Variants in RTL9 observed in about 807,000 individuals in gnomAD.
RTL9 encodes the protein retrotransposon Gag-like protein 9.
RTL9 carries 19 observed loss-of-function variants against 44.7 expected under a neutral mutation model. That is an observed-to-expected ratio of 0.42 (90% CI 0.30 to 0.62). RTL9 has a LOEUF of 0.62. Among genes scored for constraint, RTL9 ranks in the 20% least tolerant of loss-of-function variants. The pLI is 0.16. For missense variants in RTL9, 1,105 were observed against 1,080.6 expected (o/e 1.02, Z -0.32); for synonymous variants, 407 against 398.9 (o/e 1.02, Z -0.24).
intron 1 of RTL9, among the ~76,000 whole-genome samples, chrX:110,392,641 C>T (rs1202343689): frequency 1.8e-5 from 2 of 111,112 alleles, no homozygotes; most frequent in Non-Finnish European, 1.9e-5. Context: ...CAAGGGCTCA[C>T]GCAAGAGTGC....
chrX:110,454,508 A>G, exon 1 of RTL9: 2 of 1,211,896 alleles, frequency 1.7e-6, no homozygotes, highest in Non-Finnish European at 2.2e-6. Flanking sequence ...CTGGCAGCCT[A>G]AAGGAGCTGA....
intron 1 of RTL9, among the ~76,000 whole-genome samples, chrX:110,403,500 C>T (rs2068578609): frequency 9.0e-6 from 1 of 110,918 alleles, no homozygotes; most frequent in South Asian, 3.9e-4. Flanking sequence ...ATGCCCGGAT[C>T]CTTCTCCAAA....
rs1359914768 is a variant in RTL9, at chrX:110,385,122, G to A, written c.-168+26206G>A. Among the ~76,000 whole-genome samples the A allele has an allele frequency of 1.8e-5, 2 of 111,000 alleles. 1 individual carries two copies. The highest frequency in any genetic ancestry group is 3.8e-5 in the Non-Finnish European group (2 of 52,943). On this transcript the variant is annotated intron_variant, in intron 1 of 2. Transcript: ENST00000520821. ...CCAGATGGCCTGAATTTGAATCCCA[G>A]CTCCACCACCAACTAGCTGTGAGAC...
chrX:110,441,325 A>C (rs1344921965), intron 1 of RTL9, among the ~76,000 whole-genome samples: 2 of 112,081 alleles, frequency 1.8e-5, no homozygotes, highest in African/African-American at 6.5e-5. Flanking sequence ...AAGGTCCCTG[A>C]TTGGTAGCCA....
intron 1 of RTL9, among the ~76,000 whole-genome samples, chrX:110,394,189 A>C (rs1165770771): frequency 8.9e-6 from 1 of 112,799 alleles, no homozygotes; most frequent in Non-Finnish European, 1.9e-5. Flanking sequence ...ACTTATTGTT[A>C]ATGTTTAATT....
At chrX:110,392,574 T>C (rs2068502345) in intron 1 of RTL9, among the ~76,000 whole-genome samples, 1 of 112,316 alleles carries the variant, frequency 8.9e-6, no homozygotes, top group South Asian at 3.7e-4. Context: ...TGAGCCACTG[T>C]GCCCAGCCTT....
At chrX:110,392,052 C>T (rs900399214) in intron 1 of RTL9, among the ~76,000 whole-genome samples, 3 of 112,048 alleles carry the variant, frequency 2.7e-5, no homozygotes, top group African/African-American at 9.7e-5. Context: ...TTTACATTCT[C>T]ATGAATCACG....
At chrX:110,380,181 G>A (rs2068408845) in intron 1 of RTL9, among the ~76,000 whole-genome samples, 1 of 111,589 alleles carries the variant, frequency 9.0e-6, no homozygotes, top group Non-Finnish European at 1.9e-5. Context: ...GCTACACATA[G>A]GACAGTAGTA....
intron 1 of RTL9, among the ~76,000 whole-genome samples, chrX:110,394,122 G>A (rs1339383775): frequency 8.9e-6 from 1 of 112,551 alleles, no homozygotes; most frequent in East Asian, 2.8e-4. Flanking sequence ...CAAAAATTAG[G>A]CAAATAATTC....
intron 1 of RTL9, among the ~76,000 whole-genome samples, chrX:110,420,849 A>G (rs370037581): frequency 5.4e-5 from 6 of 111,100 alleles, no homozygotes; most frequent in East Asian, 5.6e-4. Context: ...TTGGCTCGGG[A>G]GGCAGGTTTC....
At chrX:110,442,243 C>G (rs1603016206) in intron 1 of RTL9, among the ~76,000 whole-genome samples, 1 of 103,822 alleles carries the variant, frequency 9.6e-6, no homozygotes, top group African/African-American at 3.7e-5. Flanking sequence ...CTCTCTCTCT[C>G]TCTCTGTGTG....
At chrX:110,420,703 G>A (rs2068711162) in intron 1 of RTL9, among the ~76,000 whole-genome samples, 1 of 112,135 alleles carries the variant, frequency 8.9e-6, no homozygotes, top group Non-Finnish European at 1.9e-5. Context: ...CCACAAACCG[G>A]CTGGTTTTTT....
chrX:110,425,528 G>A (rs2068747002), intron 1 of RTL9, among the ~76,000 whole-genome samples: 1 of 112,978 alleles, frequency 8.9e-6, no homozygotes, highest in African/African-American at 3.2e-5. Flanking sequence ...TTTCTTAAGA[G>A]GTTCTGTGCT....
intron 1 of RTL9, among the ~76,000 whole-genome samples, chrX:110,443,711 G>A (rs895746298): frequency 1.8e-5 from 2 of 112,419 alleles, no homozygotes; most frequent in Non-Finnish European, 3.8e-5. Context: ...ACTTCAGGGT[G>A]GGTGCAAAGC....
At chrX:110,422,534 A>T (rs1484476243) in intron 1 of RTL9, among the ~76,000 whole-genome samples, 1 of 112,968 alleles carries the variant, frequency 8.9e-6, no homozygotes, top group East Asian at 2.8e-4. Flanking sequence ...CACACCCATG[A>T]CTGCAATGCC....
At chrX:110,423,002 C>T (rs2068728587) in intron 1 of RTL9, among the ~76,000 whole-genome samples, 1 of 111,727 alleles carries the variant, frequency 9.0e-6, no homozygotes, top group African/African-American at 3.3e-5. Flanking sequence ...TGATCCCACC[C>T]CGTCATGTCC....
chrX:110,455,208 C>T, exon 2 of RTL9: 1 of 1,210,235 alleles, frequency 8.3e-7, no homozygotes, highest in Non-Finnish European at 1.1e-6. Flanking sequence ...CCAGCACCAG[C>T]ATGTTTCCAA....
At chrX:110,452,461 C>A in exon 1 of RTL9, 11 of 1,211,711 alleles carry the variant, frequency 9.1e-6, no homozygotes, top group Non-Finnish European at 1.2e-5. Flanking sequence ...GGAGCATTGT[C>A]CAAGCCACTA....
intron 1 of RTL9, among the ~76,000 whole-genome samples, chrX:110,388,958 T>A (rs753249846): frequency 1.8e-5 from 2 of 112,505 alleles, no homozygotes; most frequent in South Asian, 7.4e-4. Flanking sequence ...TCATATCTTT[T>A]TAAGCAGTGT....
Sources: gnomAD v4.1 joint callset for allele counts (sites outside exome capture counted in the v4.1 genomes callset) on GRCh38, gnomAD v4.1.1 for gene constraint, MANE v1.5 for transcripts, NCBI Gene and HGNC (gene_info 2026-07-23, HGNC 2026-07-21) for gene names.